BRCA1: variants seen among roughly 807,000 people sequenced by gnomAD.
The protein encoded by BRCA1 is BRCA1 DNA repair associated, also known as breast cancer type 1 susceptibility protein.
BRCA1 carries 140 observed loss-of-function variants against 173.7 expected under a neutral mutation model. That is an observed-to-expected ratio of 0.81 (90% confidence interval 0.70 to 0.93). The LOEUF (loss-of-function observed/expected upper bound fraction) is 0.93. Ranked by LOEUF, BRCA1 falls within the 40% of genes least tolerant of loss-of-function variation. The probability of loss-of-function intolerance (pLI) is 0.00; values close to 1 mark genes in which losing one functional copy is unlikely to be tolerated. For missense variants in BRCA1, 1,983 were observed against 2,172.5 expected, an observed-to-expected ratio of 0.91 and a Z score of 1.73; for synonymous variants, 662 against 756.0, an observed-to-expected ratio of 0.88 and a Z score of 2.04.
intron 1 of BRCA1, chr17:43,144,848 A>G: frequency 4.1e-6 from 2 of 493,734 alleles, no homozygotes; most frequent in Non-Finnish European, 7.8e-6. Context: ...TAGCGAGAGC[A>G]GCTCCGGTGG....
At chr17:43,132,505 C>T (rs2055976137) in intron 1 of BRCA1, 2 of 152,160 alleles carry the variant, frequency 1.3e-5, no homozygotes, top group South Asian at 4.1e-4. Flanking sequence ...GAGAATCCTA[C>T]TTCTATCACT....
rs34608699 is a variant in BRCA1, at chr17:43,108,335, CA to C, written c.135-1803del. 3.7e-3 allele frequency among the ~76,000 whole-genome samples: 447 copies of C among 121,052 alleles called. 1 individual carries two copies. Among genetic ancestry groups the C allele is most frequent in the Admixed American group, 5.4e-3 (66 of 12,122 alleles). 79.4% of individuals were successfully genotyped at this position (121,052 alleles called of 152,430 possible). On this transcript the variant is annotated intron_variant, in intron 3 of 22. Coordinates refer to ENST00000357654, the MANE Select transcript of BRCA1 (RefSeq NM_007294.4). ...CCTGGGCAACAGAGTGAGATTGTGC[CA>C]AAAAAAAAAAAAAGGCATTGGGAAT...
chr17:43,101,930 G>C (rs925394386), intron 6 of BRCA1, among the ~76,000 whole-genome samples: 2 of 151,448 alleles, frequency 1.3e-5, no homozygotes, highest in African/African-American at 4.9e-5. Flanking sequence ...TTAAAAGATA[G>C]GGTCTCAGTC....
At chr17:43,062,936 G>A (rs2153539550) in intron 18 of BRCA1, among the ~76,000 whole-genome samples, 1 of 151,628 alleles carries the variant, frequency 6.6e-6, no homozygotes, top group Non-Finnish European at 1.5e-5. Flanking sequence ...TGTTGCCCAG[G>A]TTAGAGTGCA....
chr17:43,129,766 A>G (rs1419393886), upstream of BRCA1, among the ~76,000 whole-genome samples: 1 of 152,096 alleles, frequency 6.6e-6, no homozygotes, highest in African/African-American at 2.4e-5. Context: ...GAGCCACCGC[A>G]CCTGGCAGGA....
chr17:43,082,664 C>G, intron 11 of BRCA1, 89 bp from the exon 12 acceptor site: 1 of 1,441,686 alleles, frequency 6.9e-7, no homozygotes, highest in African/African-American at 1.4e-5. Context: ...TTAATTTTAG[C>G]ACAGGAATTG....
intron 4 of BRCA1, 69 bp from the exon 5 acceptor site, chr17:43,105,025 GA>G (rs2054703180): frequency 3.2e-6 from 4 of 1,245,322 alleles, no homozygotes; most frequent in Non-Finnish European, 4.7e-6. Flanking sequence ...ACTAAAATAA[GA>G]AAAGACATGT....
intron 1 of BRCA1, among the ~76,000 whole-genome samples, chr17:43,146,689 A>G (rs1482746024): frequency 6.6e-6 from 1 of 152,022 alleles, no homozygotes; most frequent in Non-Finnish European, 1.5e-5. Context: ...TCAATTATGA[A>G]AGAAAAAAAA....
upstream of BRCA1, among the ~76,000 whole-genome samples, chr17:43,127,594 A>G (rs1428382412): frequency 2.0e-5 from 3 of 152,232 alleles, no homozygotes; most frequent in Non-Finnish European, 2.9e-5. Flanking sequence ...TTGTAAATGC[A>G]CCAATCAGCA....
chr17:43,126,375 T>G (rs1184737771), upstream of BRCA1, among the ~76,000 whole-genome samples: 1 of 152,092 alleles, frequency 6.6e-6, no homozygotes, highest in Non-Finnish European at 1.5e-5. Context: ...CCATGTTAGA[T>G]TCACCCCACA....
At chr17:43,087,926 G>A (rs2053293404) in intron 11 of BRCA1, among the ~76,000 whole-genome samples, 1 of 151,164 alleles carries the variant, frequency 6.6e-6, no homozygotes, top group African/African-American at 2.4e-5. Flanking sequence ...GACAGGGGTT[G>A]CCCAGAACAG....
chr17:43,086,811 C>A (rs1397431016), intron 11 of BRCA1, among the ~76,000 whole-genome samples: 1 of 152,160 alleles, frequency 6.6e-6, no homozygotes, highest in Non-Finnish European at 1.5e-5. Context: ...AGAGAAAAGG[C>A]CTCCTAAATC....
chr17:43,168,232 A>C (rs2056280744), intron 1 of BRCA1: 4 of 424,840 alleles, frequency 9.4e-6, no homozygotes, highest in Non-Finnish European at 1.9e-5. Context: ...CTTCAACGCA[A>C]ACAGCAGATA....
rs769895361 is a variant in BRCA1 at position 43,074,552 on chromosome 17, C to T, written c.4485-31G>A. The stretch of plus-strand genomic sequence containing the variant: ...AAGATAAATGGAAGGAGAAAACCAT[C>T]GCCACCAATTGTGAAAGGACAAATC... On this transcript the variant is annotated intron_variant, in intron 13 of 22. Transcript: ENST00000357654. The T allele has an allele frequency of 1.1e-5, 17 of 1,581,302 alleles. No individual in the cohort carries two copies. In the East Asian group the frequency reaches 1.1e-4, roughly 10 times the overall value.
chr17:43,103,968 A>G (rs535985692), intron 6 of BRCA1, among the ~76,000 whole-genome samples, 154 bp downstream of exon 6: 2 of 151,582 alleles, frequency 1.3e-5, no homozygotes, highest in East Asian at 1.9e-4. Context: ...TTAGCCTGGC[A>G]TGGTGGCGCG....
At chr17:43,090,641 C>A (rs1039787417) in intron 11 of BRCA1, among the ~76,000 whole-genome samples, 1 of 152,164 alleles carries the variant, frequency 6.6e-6, no homozygotes, top group African/African-American at 2.4e-5. Context: ...TCCCAAAGTG[C>A]TGGGATTAGC....
At chr17:43,169,956 G>A (rs1418164042) in intron 1 of BRCA1, 2 of 469,792 alleles carry the variant, frequency 4.3e-6, no homozygotes, top group African/African-American at 2.0e-5. Flanking sequence ...AGGCCAAAAA[G>A]TTTCAATATT....
intron 9 of BRCA1, 86 bp downstream of exon 9, chr17:43,095,760 A>T: frequency 7.9e-6 from 9 of 1,135,404 alleles, no homozygotes; most frequent in Non-Finnish European, 1.2e-5. Flanking sequence ...AAAGGTCCCA[A>T]ATGGTCTTCA....
In BRCA1 at chr17:43,071,012, C is replaced by A. The variant is rs746199881; in HGVS notation, c.4902G>T (p.Arg1634Ser). Reference protein sequence around the residue: ...GYNAMEESVSREKPELTASTE... With the variant: ...GYNAMEESVSSEKPELTASTE... The stretch of plus-strand genomic sequence containing the variant: ...TTGAAGCTGTCAATTCTGGCTTCTC[C>A]CTGCTCACACTTTCTTCCATTGCAT... The change falls in exon 15 of 23, where the codon AGG becomes AGT. Residue 1634 changes from arginine to serine, a missense_variant. Transcript: ENST00000357654. 3 of 1,614,202 alleles carry A rather than the reference C, an allele frequency of 1.9e-6. No homozygotes were observed. The South Asian group carries it at 3.3e-5, about 18-fold the overall frequency.
Sources: allele counts gnomAD v4.1 joint callset (sites outside exome capture counted in the v4.1 genomes callset), GRCh38; gene constraint gnomAD v4.1.1; transcripts MANE v1.5; gene names NCBI Gene and HGNC (gene_info 2026-07-23, HGNC 2026-07-21).